BLVRB: variants seen among roughly 807,000 people sequenced by gnomAD.
BLVRB encodes flavin reductase (NADPH).
Under a neutral mutation model 21.1 loss-of-function variants are expected in BLVRB, and 25 were observed. That is an observed-to-expected ratio of 1.19 (90% CI 0.86 to 1.66). The LOEUF (loss-of-function observed/expected upper bound fraction) is 1.66. Among genes scored for constraint, BLVRB ranks in the 40% most tolerant of loss-of-function variants. The pLI, the probability that BLVRB is intolerant of heterozygous loss-of-function variation, is 0.00. For missense variants in BLVRB, 274 were observed against 282.7 expected, an observed-to-expected ratio of 0.97 and a Z score of 0.22; for synonymous variants, 128 against 122.2, an observed-to-expected ratio of 1.05 and a Z score of -0.31.
chr19:40,465,380 C>CCTCCCGGGG (rs928150156), intron 1 of BLVRB, among the ~76,000 whole-genome samples: 2 of 152,224 alleles, frequency 1.3e-5, no homozygotes, highest in African/African-American at 2.4e-5. Flanking sequence ...CCAGTGGAGT[C>CCTCCCGGGG]CTCCCGGGGC....
chr19:40,451,308 G>A, intron 4 of BLVRB, 56 bp downstream of exon 4: 1 of 1,569,720 alleles, frequency 6.4e-7, no homozygotes, highest in Middle Eastern at 1.8e-4. Flanking sequence ...TCTCCCCAGA[G>A]GGCAGGAGGG....
At chr19:40,449,568 C>T (rs1042828741) in intron 4 of BLVRB, among the ~76,000 whole-genome samples, 5 of 152,076 alleles carry the variant, frequency 3.3e-5, no homozygotes, top group African/African-American at 9.7e-5. Flanking sequence ...AATTTTACTA[C>T]GGAGTGGATA....
At chr19:40,462,935 A>G (rs4802078) in intron 1 of BLVRB, among the ~76,000 whole-genome samples, 50,846 of 147,598 alleles carry the variant, frequency 0.34, 9,184 homozygotes, top group African/African-American at 0.45. Context: ...CATCAATACA[A>G]AAAATTTCAT....
At chr19:40,457,988 G>T in intron 3 of BLVRB, 167 bp downstream of exon 3, 1 of 683,966 alleles carries the variant, frequency 1.5e-6, no homozygotes, top group Non-Finnish European at 2.6e-6. Context: ...GGGCTGTACA[G>T]GTCACCACTG....
At chr19:40,460,013 C>T (rs2079779566) in intron 1 of BLVRB, among the ~76,000 whole-genome samples, 1 of 152,044 alleles carries the variant, frequency 6.6e-6, no homozygotes, top group South Asian at 2.1e-4. Context: ...GGGATTGGTC[C>T]CAGCCCCTGC....
intron 1 of BLVRB, among the ~76,000 whole-genome samples, chr19:40,464,687 C>T (rs541603648): frequency 3.9e-5 from 6 of 152,324 alleles, no homozygotes; most frequent in Non-Finnish European, 7.4e-5. Flanking sequence ...AGTCAAGATC[C>T]TCACGTGGTC....
Position 40,458,238 on chromosome 19 carries a change from G to A in BLVRB, c.251C>T (p.Thr84Met), listed in dbSNP as rs563411888. 23 of 1,613,098 alleles carry A rather than the reference G, an allele frequency of 1.4e-5. No individual in the cohort carries two copies. Among genetic ancestry groups the A allele is most frequent in the Middle Eastern group, 1.7e-4 (1 of 6,048 alleles). ...LLGTRNDLSPTTVMSEGARNI... is the reference protein window; with the variant it reads ...LLGTRNDLSPMTVMSEGARNI... ...CCGGGCGCCCTCGGACATCACTGTCGTGGGACCTTAGAGGGGACAGAGAGT... is the reference window on the plus strand; with the variant it reads ...CCGGGCGCCCTCGGACATCACTGTCATGGGACCTTAGAGGGGACAGAGAGT... The change falls in exon 3 of 5, where the codon ACG becomes ATG. Residue 84 changes from threonine (T) to methionine (M), a missense_variant. Transcript: ENST00000263368.
intron 3 of BLVRB, 150 bp downstream of exon 3, chr19:40,458,005 C>G: frequency 1.3e-6 from 1 of 762,556 alleles, no homozygotes. Flanking sequence ...ACTGTGTCCC[C>G]AGCATCACCC....
At position 40,456,430 on chromosome 19, in the gene BLVRB, G is replaced by GT. The variant is rs570590335; in HGVS notation, c.334+1724dup. On this transcript the variant is annotated intron_variant, in intron 3 of 4. Coordinates refer to ENST00000263368, the MANE Select transcript of BLVRB (RefSeq NM_000713.3). Reference sequence around the variant, plus strand: ...AGAGCGAGACCTTGTCTCTATGTTTGTTTTTTTTTTAATGAAAAAAAAAAT... The same window carrying GT: ...AGAGCGAGACCTTGTCTCTATGTTTGTTTTTTTTTTTAATGAAAAAAAAAAT... Among the ~76,000 whole-genome samples the GT allele has an allele frequency of 4.0e-4, 54 of 133,750 alleles. 1 individual carries two copies. The Middle Eastern group carries it at 0.013, about 31-fold the overall frequency. 87.7% of individuals were successfully genotyped at this position (133,750 alleles called of 152,430 possible).
At position 40,458,478 on chromosome 19, in the gene BLVRB, G is replaced by A. The variant is rs747352017; in HGVS notation, c.147C>T (p.His49=). 7.3e-5 allele frequency: 118 copies of A among 1,608,998 alleles called. No individual in the cohort carries two copies. The highest frequency in any genetic ancestry group is 9.4e-5 in the Non-Finnish European group (111 of 1,178,262). ...RLPSEGPRPA[H]VVVGDVLQAA... is the part of the protein sequence containing the mutation. ...CCTGCAGAACATCTCCCACTACCAC[G>A]TGGGCCGGCCGGGGCCCCTCTGATG... Residue 49 remains histidine, a synonymous_variant, in exon 2 of 5, where the codon CAC becomes CAT. Coordinates refer to ENST00000263368, the MANE Select transcript of BLVRB (RefSeq NM_000713.3).
chr19:40,448,499 G>A (rs2079723986), intron 4 of BLVRB, among the ~76,000 whole-genome samples: 1 of 151,668 alleles, frequency 6.6e-6, no homozygotes, highest in Non-Finnish European at 1.5e-5. Context: ...GCTGAGGCTG[G>A]AGAATTGCTT....
In BLVRB at chr19:40,458,244, C is replaced by A. The variant is rs2079770528; in HGVS notation, c.245G>T (p.Ser82Ile). 1 of 1,612,606 alleles carries A rather than the reference C, an allele frequency of 6.2e-7. No individual in the cohort carries two copies. The highest frequency in any genetic ancestry group is 1.7e-5 in the Admixed American group (1 of 59,866). ...IVLLGTRNDL[S>I]PTTVMSEGAR... ...GCCCTCGGACATCACTGTCGTGGGA[C>A]CTTAGAGGGGACAGAGAGTGGCTGT... The change falls in exon 3 of 5, where the codon AGT becomes ATT. Residue 82 changes from serine (S) to isoleucine (I), a missense_variant and splice_region_variant. Coordinates refer to ENST00000263368, the MANE Select transcript of BLVRB (RefSeq NM_000713.3).
intron 1 of BLVRB, among the ~76,000 whole-genome samples, chr19:40,463,065 T>A (rs543617399): frequency 2.6e-5 from 4 of 152,316 alleles, no homozygotes; most frequent in Admixed American, 1.3e-4. Flanking sequence ...ATATTGTTGA[T>A]ACACGTTGTG....
At chr19:40,459,777 G>A (rs552006978) in intron 1 of BLVRB, among the ~76,000 whole-genome samples, 1 of 152,216 alleles carries the variant, frequency 6.6e-6, no homozygotes, top group African/African-American at 2.4e-5. Flanking sequence ...TACCATGTTG[G>A]CCAGGCTGGT....
chr19:40,456,186 C>T (rs2079761513), intron 3 of BLVRB, among the ~76,000 whole-genome samples: 1 of 151,980 alleles, frequency 6.6e-6, no homozygotes, highest in Admixed American at 6.6e-5. Flanking sequence ...AGAAAAAAAA[C>T]ATTGTGTGTC....
rs1382915040 is a variant in BLVRB at position 40,454,795 on chromosome 19, T to C, written c.335-3303A>G. Among the ~76,000 whole-genome samples the C allele has an allele frequency of 4.6e-5, 7 of 152,124 alleles. No individual in the cohort carries two copies. The East Asian group carries it at 1.2e-3, about 25-fold the overall frequency. Reference sequence around the variant, plus strand: ...CTCCTGACCTCGTGATCCACCCACCTTGGCCTCCCAAAGTGCTGGGATTAC... The same window carrying C: ...CTCCTGACCTCGTGATCCACCCACCCTGGCCTCCCAAAGTGCTGGGATTAC... On this transcript the variant is annotated intron_variant, in intron 3 of 4. Transcript: ENST00000263368.
intron 1 of BLVRB, among the ~76,000 whole-genome samples, chr19:40,462,590 T>C (rs2079792640): frequency 6.7e-6 from 1 of 148,916 alleles, no homozygotes. Flanking sequence ...TTTTTAAGCT[T>C]TTTGAAAATC....
intron 1 of BLVRB, among the ~76,000 whole-genome samples, 190 bp downstream of exon 1, chr19:40,465,420 C>T (rs1047702236): frequency 3.3e-5 from 5 of 152,246 alleles, no homozygotes; most frequent in African/African-American, 1.2e-4. Context: ...CTGGCTTGGA[C>T]TCACATAAAC....
At chr19:40,461,836 G>A (rs1455565147) in intron 1 of BLVRB, among the ~76,000 whole-genome samples, 2 of 152,132 alleles carry the variant, frequency 1.3e-5, no homozygotes, top group Non-Finnish European at 2.9e-5. Flanking sequence ...AATGCATGGT[G>A]CTGCTTCCTG....
Sources: gnomAD v4.1 joint callset for allele counts (sites outside exome capture counted in the v4.1 genomes callset) on GRCh38, gnomAD v4.1.1 for gene constraint, MANE v1.5 for transcripts, NCBI Gene and HGNC (gene_info 2026-07-23, HGNC 2026-07-21) for gene names.